The following DNAJC21 variants were observed in gnomAD, a reference collection of about 807,000 sequenced individuals.
DNAJC21 encodes the protein DnaJ heat shock protein family (Hsp40) member C21, also known as dnaJ homolog subfamily C member 21.
Under a neutral mutation model 72.4 loss-of-function variants are expected in DNAJC21, and 63 were observed. The observed-to-expected ratio is 0.87, with a 90% confidence interval of 0.71 to 1.07. DNAJC21 has a LOEUF of 1.07. DNAJC21 is among the 50% of genes least tolerant of loss of function. The pLI is 0.00. For synonymous variants in DNAJC21, 203 were observed against 216.7 expected (o/e 0.94, Z 0.56); for missense variants, 634 against 644.8 (o/e 0.98, Z 0.18).
intron 7 of DNAJC21, among the ~76,000 whole-genome samples, chr5:34,943,735 T>G (rs1368519762): frequency 6.6e-6 from 1 of 152,226 alleles, no homozygotes; most frequent in Non-Finnish European, 1.5e-5. Context: ...CCCCCTCAAG[T>G]TTTTATCAGT....
intron 9 of DNAJC21, among the ~76,000 whole-genome samples, chr5:34,949,012 T>G (rs1765267299): frequency 6.6e-6 from 1 of 152,158 alleles, no homozygotes; most frequent in Non-Finnish European, 1.5e-5. Flanking sequence ...CAAGAATCAT[T>G]AATAGATGCC....
At chr5:34,952,371 A>G (rs1164289343) in intron 10 of DNAJC21, 2 of 519,966 alleles carry the variant, frequency 3.8e-6, no homozygotes, top group African/African-American at 4.1e-5. Flanking sequence ...ATCCTACACA[A>G]TATGTTACAC....
intron 10 of DNAJC21, chr5:34,952,076 G>T (rs994752345): frequency 4.1e-6 from 4 of 985,322 alleles, no homozygotes; most frequent in Non-Finnish European, 4.8e-6. Flanking sequence ...TGCTTCTCTG[G>T]AGTGGTGTGG....
intron 3 of DNAJC21, 21 bp from the exon 4 acceptor site, chr5:34,936,123 G>T: frequency 6.3e-7 from 1 of 1,595,722 alleles, no homozygotes; most frequent in Non-Finnish European, 8.5e-7. Flanking sequence ...TTAAGAATTT[G>T]TTTTTGTTAC....
intron 9 of DNAJC21, among the ~76,000 whole-genome samples, chr5:34,948,507 G>A (rs1323920705): frequency 6.6e-6 from 1 of 152,180 alleles, no homozygotes; most frequent in African/African-American, 2.4e-5. Context: ...AAAGGAATAA[G>A]GGTAATAGAT....
At chr5:34,940,616 T>C (rs1764955010) in intron 6 of DNAJC21, among the ~76,000 whole-genome samples, 1 of 152,234 alleles carries the variant, frequency 6.6e-6, no homozygotes, top group African/African-American at 2.4e-5. Flanking sequence ...AAAAAAAGTT[T>C]ATAATGTTAA....
At chr5:34,952,123 A>T in intron 10 of DNAJC21, 2 of 946,442 alleles carry the variant, frequency 2.1e-6, no homozygotes, top group African/African-American at 3.6e-5. Flanking sequence ...TTTTTAAAAA[A>T]TGTGTGTGTG....
chr5:34,936,154 C>T lies in DNAJC21; in HGVS notation c.326C>T (p.Thr109Met), dbSNP rs375475466. The T allele has an allele frequency of 9.6e-5, 154 of 1,611,660 alleles. No homozygotes were observed. In the Middle Eastern group the frequency reaches 1.2e-3, roughly 12 times the overall value. Residue 109 changes from threonine (T) to methionine (M), a missense_variant, in exon 4 of 12, where the codon ACG becomes ATG. Physicochemically the swap from Thr to Met is moderately conservative, Grantham distance 81. Coordinates refer to ENST00000648817, the MANE Select transcript of DNAJC21 (RefSeq NM_001012339.3). ...GYGDDEKGFY[T>M]VYRNVFEMIA... ...GTTACTGTTTTTTAGGGATTTTACA[C>T]GGTGTATCGTAATGTTTTTGAAATG...
At chr5:34,944,626 C>T (rs768184179) in intron 7 of DNAJC21, among the ~76,000 whole-genome samples, 4 of 151,702 alleles carry the variant, frequency 2.6e-5, no homozygotes, top group African/African-American at 9.7e-5. Context: ...AGCTGTGGTA[C>T]GGAAAGAAAG....
At chr5:34,945,919 AT>A in intron 9 of DNAJC21, 116 bp downstream of exon 9, 1 of 673,222 alleles carries the variant, frequency 1.5e-6, no homozygotes, top group Non-Finnish European at 2.3e-6. Flanking sequence ...TTTTATGTTG[AT>A]TGTAAGATTG....
intron 10 of DNAJC21, chr5:34,951,762 G>C: frequency 1.0e-6 from 1 of 972,240 alleles, no homozygotes; most frequent in East Asian, 1.1e-4. Flanking sequence ...CTGACCTCAT[G>C]ATCTGCCCGC....
chr5:34,943,391 C>T (rs251641), intron 7 of DNAJC21, among the ~76,000 whole-genome samples: 33,061 of 152,078 alleles, frequency 0.22, 4,169 homozygotes, highest in East Asian at 0.33. Context: ...CCAGGAGGGA[C>T]GCCGCACAAG....
At chr5:34,950,058 C>T (rs1327216550) in intron 9 of DNAJC21, 112 bp from the exon 10 acceptor site, 55 of 1,208,468 alleles carry the variant, frequency 4.6e-5, no homozygotes, top group Admixed American at 8.5e-5. Flanking sequence ...CTTAACTTAC[C>T]TGCTTCTCCT....
intron 6 of DNAJC21, among the ~76,000 whole-genome samples, 196 bp from the exon 7 acceptor site, chr5:34,940,900 A>C (rs1373792676): frequency 6.6e-6 from 1 of 152,232 alleles, no homozygotes; most frequent in Non-Finnish European, 1.5e-5. Context: ...ACTTAGGAAA[A>C]GAACTTGAAA....
chr5:34,945,258 A>G (rs1185009436), intron 8 of DNAJC21, among the ~76,000 whole-genome samples: 2 of 152,016 alleles, frequency 1.3e-5, no homozygotes, highest in Admixed American at 1.3e-4. Flanking sequence ...TTGTGTTTTT[A>G]GTTGAGACAG....
At position 34,954,730 on chromosome 5, in the gene DNAJC21, T is replaced by C; in HGVS notation, c.*16T>C. On this transcript the variant is annotated 3_prime_UTR_variant, in exon 12 of 12. Coordinates refer to ENST00000648817, the MANE Select transcript of DNAJC21 (RefSeq NM_001012339.3). ...AAACAGATAGAGATTCTGCCTGTGC[T>C]TTTGTTTGACTGTCTCTAGATTTTG... 6.4e-7 allele frequency: 1 copy of C among 1,555,584 alleles called. No homozygotes were observed. Among genetic ancestry groups the C allele is most frequent in the South Asian group, 1.2e-5 (1 of 81,426 alleles).
intron 6 of DNAJC21, among the ~76,000 whole-genome samples, chr5:34,939,423 G>A (rs1580529381): frequency 6.6e-6 from 1 of 152,144 alleles, no homozygotes; most frequent in African/African-American, 2.4e-5. Context: ...CCGCCACCGC[G>A]CCCGGCTAAT....
At chr5:34,942,940 T>TA (rs1275552389) in intron 7 of DNAJC21, among the ~76,000 whole-genome samples, 4 of 152,110 alleles carry the variant, frequency 2.6e-5, no homozygotes, top group African/African-American at 9.7e-5. Context: ...TGGTGACGCA[T>TA]ACCTGTAATC....
intron 2 of DNAJC21, among the ~76,000 whole-genome samples, chr5:34,935,019 T>C (rs1764725271): frequency 6.6e-6 from 1 of 152,222 alleles, no homozygotes; most frequent in Non-Finnish European, 1.5e-5. Flanking sequence ...GGTTGTTTTC[T>C]GATCCTTGGG....
Sources: gnomAD v4.1 joint callset for allele counts (sites outside exome capture counted in the v4.1 genomes callset) on GRCh38, gnomAD v4.1.1 for gene constraint, MANE v1.5 for transcripts, NCBI Gene and HGNC (gene_info 2026-07-23, HGNC 2026-07-21) for gene names.